Variants in OR2F1 observed in about 807,000 individuals in gnomAD.
The protein encoded by OR2F1 is olfactory receptor family 2 subfamily F member 1, also known as olfactory receptor 2F1.
For missense variants in OR2F1, 389 were observed against 378.2 expected, an observed-to-expected ratio of 1.03 and a Z score of -0.24; for synonymous variants, 146 against 155.3, an observed-to-expected ratio of 0.94 and a Z score of 0.44.
intron 1 of OR2F1, among the ~76,000 whole-genome samples, chr7:143,955,950 G>T (rs1026130175): frequency 2.0e-5 from 3 of 152,174 alleles, no homozygotes; most frequent in South Asian, 2.1e-4. Flanking sequence ...ACCACAAAGA[G>T]CTAAATAGGA....
chr7:143,955,622 A>T (rs1440205060), intron 1 of OR2F1, among the ~76,000 whole-genome samples: 1 of 152,130 alleles, frequency 6.6e-6, no homozygotes, highest in African/African-American at 2.4e-5. Context: ...CATTCACCCC[A>T]ATTCATAAAA....
rs149528927 is a variant in OR2F1 at position 143,956,998 on chromosome 7, T to C, written c.-180+1895T>C. 4.6e-5 allele frequency among the ~76,000 whole-genome samples: 7 copies of C among 152,284 alleles called. No homozygotes were observed. In the East Asian group the frequency reaches 1.3e-3, roughly 29 times the overall value. ...AAAAGAACTCAGGAGGGAATTTCAT[T>C]CGTGGATAGAGGAGTACAGGCATTG... On this transcript the variant is annotated intron_variant, in intron 1 of 2. Coordinates refer to ENST00000641412, the MANE Select transcript of OR2F1 (RefSeq NM_012369.3).
rs137935877 is a variant in OR2F1, at chr7:143,956,725, C to G, written c.-180+1622C>G. Among the ~76,000 whole-genome samples the G allele has an allele frequency of 3.6e-3, 555 of 152,072 alleles. 4 individuals are homozygous for G. The highest frequency in any genetic ancestry group is 0.012 in the African/African-American group (485 of 41,506). ...AAAAATTTGTATTTTATATAATTAA[C>G]TTGGAGGTTAGAGTGTAGGATTTTG... On this transcript the variant is annotated intron_variant, in intron 1 of 2. Transcript: ENST00000641412.
chr7:143,958,923 A>T (rs553729500), intron 1 of OR2F1, 30 bp from the exon 2 acceptor site: 1 of 151,896 alleles, frequency 6.6e-6, no homozygotes, highest in Non-Finnish European at 1.5e-5. Context: ...AAGCCTAAGC[A>T]TTCATATGCA....
rs954876799 is a variant in OR2F1, at chr7:143,962,756, C to T, written c.*1832C>T. ...GACACGGTCAGATCCTGGAAGGCGTCGAATGTCTAAGTATCTTTTAACTTT... is the reference window on the plus strand; with the variant it reads ...GACACGGTCAGATCCTGGAAGGCGTTGAATGTCTAAGTATCTTTTAACTTT... On this transcript the variant is annotated 3_prime_UTR_variant, in exon 3 of 3. Coordinates refer to ENST00000641412, the MANE Select transcript of OR2F1 (RefSeq NM_012369.3). 2.0e-5 allele frequency: 3 copies of T among 152,078 alleles called. No homozygotes were observed. The allele number at this position is 152,078 out of a possible 1,614,324, so 9.4% of individuals were successfully genotyped here. A position where few individuals can be genotyped will look rare whatever the true frequency, so the allele number is the denominator to read the frequency against.
chr7:143,958,296 T>G (rs1036697302), intron 1 of OR2F1, among the ~76,000 whole-genome samples: 7 of 152,176 alleles, frequency 4.6e-5, no homozygotes, highest in African/African-American at 1.7e-4. Flanking sequence ...GAATTTGAAT[T>G]TGAATGTCTC....
chr7:143,960,533 C>T lies in OR2F1; in HGVS notation c.563C>T (p.Ala188Val). The change falls in exon 3 of 3, where the codon GCT becomes GTT. Residue 188 changes from alanine to valine, a missense_variant. By Grantham distance (64) the Ala-to-Val change is moderately conservative. Coordinates refer to ENST00000641412, the MANE Select transcript of OR2F1 (RefSeq NM_012369.3). ...SCELLAVVRL[A>V]CVDTSSNEVT... Reference sequence around the variant, plus strand: ...GAACTCCTAGCTGTGGTCAGGCTGGCTTGTGTGGACACCTCCTCCAATGAG... The same window carrying T: ...GAACTCCTAGCTGTGGTCAGGCTGGTTTGTGTGGACACCTCCTCCAATGAG... 6.2e-7 allele frequency: 1 copy of T among 1,614,174 alleles called. No homozygotes were observed. The highest frequency in any genetic ancestry group is 1.3e-5 in the African/African-American group (1 of 75,040).
Position 143,963,480 on chromosome 7 carries a change from G to A in OR2F1, c.*2556G>A, listed in dbSNP as rs1239472997. ...TGTATTAGTCAGGTTTCTTTAGAGAGACAAGACTAATAGGATAGATGAATA... is the reference window on the plus strand; with the variant it reads ...TGTATTAGTCAGGTTTCTTTAGAGAAACAAGACTAATAGGATAGATGAATA... On this transcript the variant is annotated 3_prime_UTR_variant, in exon 3 of 3. Transcript: ENST00000641412. The A allele has an allele frequency of 6.6e-6, 1 of 152,186 alleles. No homozygotes were observed. The highest frequency in any genetic ancestry group is 1.5e-5 in the Non-Finnish European group (1 of 68,034). 9.4% of individuals were successfully genotyped at this position (152,186 alleles called of 1,614,324 possible).
rs773751057 is a variant in OR2F1, at chr7:143,960,561, C to T, written c.591C>T (p.Val197=). The change falls in exon 3 of 3, where the codon GTC becomes GTT. Residue 197 remains valine (V), a synonymous_variant. Transcript: ENST00000641412. ...GTGTGGACACCTCCTCCAATGAGGT[C>T]ACCATCATGGTGTCTAGCATTGTTC... The part of the protein sequence containing the change: ...LACVDTSSNE[V]TIMVSSIVLL... 9.3e-6 allele frequency: 15 copies of T among 1,614,180 alleles called. No individual in the cohort carries two copies. Among genetic ancestry groups the T allele is most frequent in the Middle Eastern group, 1.7e-4 (1 of 6,054 alleles).
chr7:143,955,181 C>CA (rs1396550989), intron 1 of OR2F1, 78 bp downstream of exon 1: 5 of 151,998 alleles, frequency 3.3e-5, no homozygotes, highest in Admixed American at 3.3e-4. Context: ...AATCTTGTTA[C>CA]AAAAATAATA....
Position 143,959,878 on chromosome 7 carries a change from A to T in OR2F1, c.-23-70A>T. 2.9e-6 allele frequency: 3 copies of T among 1,035,632 alleles called. No homozygotes were observed. The South Asian group carries it at 4.7e-5, about 16-fold the overall frequency. The allele number at this position is 1,035,632 out of a possible 1,614,324, so 64.2% of individuals were successfully genotyped here. ...CTGCCTAGGGCTGGCTGGCATGTAC[A>T]GAATGCATTCAAACAAGTAATTCTT... On this transcript the variant is annotated intron_variant, in intron 2 of 2. Transcript: ENST00000641412.
At chr7:143,958,547 T>A (rs1022842760) in intron 1 of OR2F1, among the ~76,000 whole-genome samples, 7 of 152,180 alleles carry the variant, frequency 4.6e-5, no homozygotes, top group Admixed American at 4.6e-4. Flanking sequence ...GTATTGACAG[T>A]CTTTCCCTTG....
rs2050352420 is a variant in OR2F1, at chr7:143,964,185, T to C, written c.*3261T>C. Reference sequence around the variant, plus strand: ...TGAAGGACATTCCCAATAGAAGGCATGAACATTGTCTTGATACAGGAATAC... The same window carrying C: ...TGAAGGACATTCCCAATAGAAGGCACGAACATTGTCTTGATACAGGAATAC... On this transcript the variant is annotated 3_prime_UTR_variant, in exon 3 of 3. Transcript: ENST00000641412. The C allele has an allele frequency of 6.6e-6, 1 of 152,176 alleles. No individual in the cohort carries two copies. Among genetic ancestry groups the C allele is most frequent in the Admixed American group, 6.5e-5 (1 of 15,280 alleles). The allele number at this position is 152,176 out of a possible 1,614,324, so 9.4% of individuals were successfully genotyped here.
rs1312619725 is a variant in OR2F1 at position 143,960,198 on chromosome 7, T to C, written c.228T>C (p.Ser76=). Residue 76 remains serine (S), a synonymous_variant, in exon 3 of 3, where the codon AGT becomes AGC. Coordinates refer to ENST00000641412, the MANE Select transcript of OR2F1 (RefSeq NM_012369.3). ...TTGTCGATGTCTCCTATGCCACAAG[T>C]GTAGTCCCTCAGCTGCTGGCACATT... The part of the protein sequence containing the change: ...LSLVDVSYAT[S]VVPQLLAHFL... The C allele has an allele frequency of 1.4e-5, 22 of 1,614,020 alleles. No individual in the cohort carries two copies. The highest frequency in any genetic ancestry group is 3.3e-5 in the Admixed American group (2 of 60,006).
At chr7:143,958,386 A>G (rs1056988501) in intron 1 of OR2F1, among the ~76,000 whole-genome samples, 1 of 152,224 alleles carries the variant, frequency 6.6e-6, no homozygotes, top group African/African-American at 2.4e-5. Context: ...GAGCATCAGG[A>G]CAGAGCAGTA....
At position 143,960,017 on chromosome 7, in the gene OR2F1, G is replaced by C; in HGVS notation, c.47G>C (p.Gly16Ala). 1 of 1,613,696 alleles carries C rather than the reference G, an allele frequency of 6.2e-7. No individual in the cohort carries two copies. The highest frequency in any genetic ancestry group is 8.5e-7 in the Non-Finnish European group (1 of 1,179,842). Reference protein sequence around the residue: ...QTWVSEFILLGLSSDWDTRVS... With the variant: ...QTWVSEFILLALSSDWDTRVS... ...TGGGTGAGTGAATTTATTCTCCTCG[G>C]CCTGTCCAGTGACTGGGACACTCGG... The change falls in exon 3 of 3, where the codon GGC becomes GCC. Residue 16 changes from glycine (G) to alanine (A), a missense_variant. Gly to Ala is a moderately conservative substitution (Grantham distance 60, BLOSUM62 0). Coordinates refer to ENST00000641412, the MANE Select transcript of OR2F1 (RefSeq NM_012369.3).
rs2050339008 is a variant in OR2F1, at chr7:143,962,690, G to C, written c.*1766G>C. ...ATGTTGGAAGTTCAATTTCAGGGCA[G>C]AGAAGAGTGAGAGAGTAGTGAGGAC... On this transcript the variant is annotated 3_prime_UTR_variant, in exon 3 of 3. Transcript: ENST00000641412. The C allele has an allele frequency of 6.6e-6, 1 of 152,244 alleles. No individual in the cohort carries two copies. Among genetic ancestry groups the C allele is most frequent in the South Asian group, 2.1e-4 (1 of 4,834 alleles). The allele number at this position is 152,244 out of a possible 1,614,324, so 9.4% of individuals were successfully genotyped here.
chr7:143,961,078 G>C lies in OR2F1; in HGVS notation c.*154G>C, dbSNP rs1428561379. ...TGGAGGAGGGGGAGTGGTTCAATTGGATGGGGTGTGGGACGTGGGGTTATA... is the reference window on the plus strand; with the variant it reads ...TGGAGGAGGGGGAGTGGTTCAATTGCATGGGGTGTGGGACGTGGGGTTATA... On this transcript the variant is annotated 3_prime_UTR_variant, in exon 3 of 3. Transcript: ENST00000641412. 1 of 633,210 alleles carries C rather than the reference G, an allele frequency of 1.6e-6. No homozygotes were observed. The highest frequency in any genetic ancestry group is 2.8e-6 in the Non-Finnish European group (1 of 356,548). 39.2% of individuals were successfully genotyped at this position (633,210 alleles called of 1,614,324 possible).
rs900269781 is a variant in OR2F1, at chr7:143,961,667, C to T, written c.*743C>T. On this transcript the variant is annotated 3_prime_UTR_variant, in exon 3 of 3. Coordinates refer to ENST00000641412, the MANE Select transcript of OR2F1 (RefSeq NM_012369.3). ...GATTTTACTGCATATATAGGTATAT[C>T]GTTGAAAATATTAAAAATGATCAAT... is the stretch of plus-strand genomic sequence containing the variant. The T allele has an allele frequency of 3.3e-5, 5 of 152,112 alleles. No individual in the cohort carries two copies. Among genetic ancestry groups the T allele is most frequent in the African/African-American group, 7.2e-5 (3 of 41,400 alleles). The allele number at this position is 152,112 out of a possible 1,614,324, so 9.4% of individuals were successfully genotyped here. A position where few individuals can be genotyped will look rare whatever the true frequency, so the allele number is the denominator to read the frequency against.
Sources: allele counts gnomAD v4.1 joint callset (sites outside exome capture counted in the v4.1 genomes callset), GRCh38; gene constraint gnomAD v4.1.1; transcripts MANE v1.5; gene names NCBI Gene and HGNC (gene_info 2026-07-23, HGNC 2026-07-21).